The following ALDH1A2 variants were observed in gnomAD, a reference collection of about 807,000 sequenced individuals.
ALDH1A2 encodes the protein retinal dehydrogenase 2.
ALDH1A2 carries 27 observed loss-of-function variants against 60.3 expected under a neutral mutation model. That is an observed-to-expected ratio of 0.45 (90% confidence interval 0.33 to 0.62). The LOEUF is 0.62. Ranked by LOEUF, ALDH1A2 falls within the 20% of genes least tolerant of loss-of-function variation. ALDH1A2 has a pLI of 0.02. For missense variants in ALDH1A2, 581 were observed against 643.8 expected, an observed-to-expected ratio of 0.90 and a Z score of 1.06; for synonymous variants, 289 against 232.4, an observed-to-expected ratio of 1.24 and a Z score of -2.21.
chr15:58,036,829 A>C (rs1321929262), intron 1 of ALDH1A2: 3 of 151,866 alleles, frequency 2.0e-5, no homozygotes, highest in African/African-American at 7.2e-5. Context: ...GAGAAAAGAG[A>C]AATCTGTGTG....
At chr15:58,044,325 GC>G (rs1159732112) in intron 1 of ALDH1A2, among the ~76,000 whole-genome samples, 2 of 151,806 alleles carry the variant, frequency 1.3e-5, no homozygotes, top group South Asian at 2.1e-4. Context: ...CCACCGACAT[GC>G]CCCAGTGTGT....
rs57467358 is a variant in ALDH1A2 at position 58,023,658 on chromosome 15, G to GAAAAAAAA, written c.118-9385_118-9378dup. Among the ~76,000 whole-genome samples the GAAAAAAAA allele has an allele frequency of 1.1e-4, 14 of 129,422 alleles. 1 individual carries two copies. Among genetic ancestry groups the GAAAAAAAA allele is most frequent in the Admixed American group, 3.1e-4 (4 of 12,782 alleles). 84.9% of individuals were successfully genotyped at this position (129,422 alleles called of 152,430 possible). A position where few individuals can be genotyped will look rare whatever the true frequency, so the allele number is the denominator to read the frequency against. On this transcript the variant is annotated intron_variant, in intron 1 of 12. Transcript: ENST00000249750. ...TGAGATGGTATATTCAAAGTGCTGG[G>GAAAAAAAA]AAAAAAAAAAAAGGAACTGCCAACC...
At chr15:57,980,347 C>A in intron 7 of ALDH1A2, 1 of 406,518 alleles carries the variant, frequency 2.5e-6, no homozygotes, top group Non-Finnish European at 5.0e-6. Context: ...CCATGGGGTT[C>A]ATGTCATAGC....
chr15:57,957,860 G>GTAAAGTCTC lies in ALDH1A2; in HGVS notation c.1485-2600_1485-2592dup, dbSNP rs1893580503. On this transcript the variant is annotated intron_variant, in intron 12 of 12. Transcript: ENST00000249750. ...TTGCAGCAGCATTTTTCAGAGCGGA[G>GTAAAGTCTC]TAAAGTCTCCAGACCATCAGCATCA... 2.7e-5 allele frequency among the ~76,000 whole-genome samples: 4 copies of GTAAAGTCTC among 146,172 alleles called. No homozygotes were observed. The South Asian group carries it at 9.5e-4, about 35-fold the overall frequency.
chr15:57,961,443 G>A (rs1294752303), intron 10 of ALDH1A2, 149 bp from the exon 11 acceptor site: 1 of 1,023,460 alleles, frequency 9.8e-7, no homozygotes, highest in Non-Finnish European at 1.5e-6. Context: ...ACCTTTCCTA[G>A]GATAAGATTA....
At chr15:58,004,618 T>C (rs1037944614) in intron 4 of ALDH1A2, among the ~76,000 whole-genome samples, 1 of 151,422 alleles carries the variant, frequency 6.6e-6, no homozygotes, top group African/African-American at 2.4e-5. Flanking sequence ...TTCAGTATAA[T>C]GGCCTCCAAC....
At chr15:57,991,666 C>T (rs1419265653) in intron 7 of ALDH1A2, 3 of 152,100 alleles carry the variant, frequency 2.0e-5, no homozygotes, top group Admixed American at 6.5e-5. Flanking sequence ...GTATTAATAA[C>T]TTATAGTGAT....
chr15:57,976,345 T>C (rs1453200224), intron 7 of ALDH1A2, among the ~76,000 whole-genome samples: 1 of 152,188 alleles, frequency 6.6e-6, no homozygotes, highest in African/African-American at 2.4e-5. Flanking sequence ...GTGGAGGTTT[T>C]TTACATGTGC....
At chr15:57,976,944 T>A (rs1182942608) in intron 7 of ALDH1A2, among the ~76,000 whole-genome samples, 1 of 152,232 alleles carries the variant, frequency 6.6e-6, no homozygotes, top group East Asian at 1.9e-4. Context: ...GACTTTTTAA[T>A]GATCGCCATT....
chr15:57,998,576 T>G (rs1391366720), intron 4 of ALDH1A2, among the ~76,000 whole-genome samples: 8 of 152,092 alleles, frequency 5.3e-5, no homozygotes, highest in African/African-American at 1.9e-4. Context: ...TGGAAAAACA[T>G]TCCATGCTCA....
At chr15:58,011,686 G>C (rs1380452437) in intron 3 of ALDH1A2, among the ~76,000 whole-genome samples, 2 of 152,072 alleles carry the variant, frequency 1.3e-5, no homozygotes, top group Admixed American at 6.5e-5. Flanking sequence ...AAAATACTAT[G>C]ACTTCCAGTG....
chr15:58,065,062 A>T (rs1291413633), intron 1 of ALDH1A2, among the ~76,000 whole-genome samples: 1 of 152,248 alleles, frequency 6.6e-6, no homozygotes, highest in Non-Finnish European at 1.5e-5. Flanking sequence ...CTTACGGGAA[A>T]GCCCCTCAGC....
At chr15:58,032,267 A>C (rs1349847553) in intron 1 of ALDH1A2, among the ~76,000 whole-genome samples, 1 of 152,018 alleles carries the variant, frequency 6.6e-6, no homozygotes, top group African/African-American at 2.4e-5. Flanking sequence ...GAAAAACCAA[A>C]CACCACATGT....
chr15:58,034,640 A>G (rs1446892686), intron 1 of ALDH1A2, among the ~76,000 whole-genome samples: 3 of 151,676 alleles, frequency 2.0e-5, no homozygotes, highest in East Asian at 1.9e-4. Context: ...ATTCTCCTCT[A>G]TTCATAATTT....
chr15:58,005,098 A>T (rs1039652109), intron 4 of ALDH1A2, among the ~76,000 whole-genome samples: 3 of 151,778 alleles, frequency 2.0e-5, no homozygotes, highest in Non-Finnish European at 4.4e-5. Flanking sequence ...ACTGTCTTTC[A>T]TATCTGCTTA....
intron 1 of ALDH1A2, among the ~76,000 whole-genome samples, chr15:58,016,740 T>C (rs1333567570): frequency 6.6e-5 from 10 of 152,138 alleles, no homozygotes; most frequent in African/African-American, 2.2e-4. Flanking sequence ...TTATTTCTAA[T>C]TGTGCTAAAA....
chr15:58,058,922 G>A (rs117463902), intron 1 of ALDH1A2, among the ~76,000 whole-genome samples: 2,195 of 152,270 alleles, frequency 0.014, 23 homozygotes, highest in Non-Finnish European at 0.021. Flanking sequence ...CCAGGGAAGT[G>A]TTGTTTAGAG....
At chr15:57,974,241 G>T (rs1315324862) in intron 7 of ALDH1A2, among the ~76,000 whole-genome samples, 1 of 151,964 alleles carries the variant, frequency 6.6e-6, no homozygotes, top group African/African-American at 2.4e-5. Flanking sequence ...AGACCATCCT[G>T]GCTAACATGG....
At chr15:58,043,954 C>T (rs1896578538) in intron 1 of ALDH1A2, among the ~76,000 whole-genome samples, 1 of 151,956 alleles carries the variant, frequency 6.6e-6, no homozygotes, top group Non-Finnish European at 1.5e-5. Context: ...GATAAATAAA[C>T]TTGTCAAAAG....
Sources: gnomAD v4.1 joint callset for allele counts (sites outside exome capture counted in the v4.1 genomes callset) on GRCh38, gnomAD v4.1.1 for gene constraint, MANE v1.5 for transcripts, NCBI Gene and HGNC (gene_info 2026-07-23, HGNC 2026-07-21) for gene names.